Variants in TRAM1 observed in about 807,000 individuals in gnomAD.
TRAM1 encodes translocating chain-associated membrane protein 1.
Under a neutral mutation model 48.7 loss-of-function variants are expected in TRAM1, and 17 were observed. The observed-to-expected ratio is 0.35, with a 90% CI of 0.24 to 0.52. TRAM1 has a LOEUF of 0.52. TRAM1 is among the 20% of genes least tolerant of loss of function. The probability of loss-of-function intolerance (pLI) is 0.94; values close to 1 mark genes in which losing one functional copy is unlikely to be tolerated. For synonymous variants in TRAM1, 182 were observed against 154.0 expected (o/e 1.18, Z -1.34); for missense variants, 351 against 441.5 (o/e 0.79, Z 1.84).
intron 1 of TRAM1, among the ~76,000 whole-genome samples, chr8:70,600,801 T>C (rs1188384561): frequency 1.3e-5 from 2 of 152,188 alleles, no homozygotes; most frequent in Non-Finnish European, 2.9e-5. Context: ...TTGTTGGTTT[T>C]TTTTCTGGGG....
intron 8 of TRAM1, among the ~76,000 whole-genome samples, chr8:70,585,292 C>T (rs1241702273): frequency 6.6e-6 from 1 of 152,086 alleles, no homozygotes; most frequent in Non-Finnish European, 1.5e-5. Flanking sequence ...GGATTAAAGA[C>T]TTACATGTTA....
At chr8:70,577,700 G>A (rs954610988) in intron 10 of TRAM1, among the ~76,000 whole-genome samples, 1 of 152,206 alleles carries the variant, frequency 6.6e-6, no homozygotes, top group Non-Finnish European at 1.5e-5. Context: ...TGCTCACCAC[G>A]TTGTGGATGA....
chr8:70,589,011 TTC>T (rs1046362556), intron 6 of TRAM1, among the ~76,000 whole-genome samples: 4 of 152,206 alleles, frequency 2.6e-5, no homozygotes, highest in Admixed American at 2.6e-4. Context: ...GGTCCTCCAT[TTC>T]TCTGTGTTTC....
intron 6 of TRAM1, among the ~76,000 whole-genome samples, chr8:70,592,800 T>G (rs1433384748): frequency 6.6e-6 from 1 of 152,220 alleles, no homozygotes; most frequent in Non-Finnish European, 1.5e-5. Flanking sequence ...CAATAGAACT[T>G]TCTGCAATCA....
At chr8:70,583,132 C>G (rs1405956936) in intron 10 of TRAM1, 32 bp downstream of exon 10, 3 of 1,581,512 alleles carry the variant, frequency 1.9e-6, no homozygotes, top group Non-Finnish European at 2.6e-6. Flanking sequence ...TTTCTACTTC[C>G]ATGAGTTTTT....
chr8:70,579,369 A>T (rs1294852429), intron 10 of TRAM1, among the ~76,000 whole-genome samples: 1 of 152,208 alleles, frequency 6.6e-6, no homozygotes, highest in Non-Finnish European at 1.5e-5. Context: ...ATCTTATAGG[A>T]CCAGTGTCAT....
At position 70,574,631 on chromosome 8, in the gene TRAM1, T is replaced by C. The variant is rs1816905502; in HGVS notation, c.*301A>G. 4.2e-6 allele frequency: 1 copy of C among 239,170 alleles called. No homozygotes were observed. Among genetic ancestry groups the C allele is most frequent in the Admixed American group, 5.8e-5 (1 of 17,390 alleles). The allele number at this position is 239,170 out of a possible 1,614,324, so 14.8% of individuals were successfully genotyped here. A position where few individuals can be genotyped will look rare whatever the true frequency, so the allele number is the denominator to read the frequency against. On this transcript the variant is annotated 3_prime_UTR_variant, in exon 11 of 11. Transcript: ENST00000262213. ...ATTGTATCACTGATATGTGGAATTT[T>C]TGTAAATAGTTTTCTCTCCAAATCA...
chr8:70,574,896 T>G lies in TRAM1; in HGVS notation c.*36A>C. On this transcript the variant is annotated 3_prime_UTR_variant, in exon 11 of 11. Coordinates refer to ENST00000262213, the MANE Select transcript of TRAM1 (RefSeq NM_014294.6). ...CTGAAAGATATAGTAGAAAGCAGAT[T>G]TCTTTGGGGACATTAATCAATTAGT... 1 of 1,397,200 alleles carries G rather than the reference T, an allele frequency of 7.2e-7. No homozygotes were observed. Among genetic ancestry groups the G allele is most frequent in the East Asian group, 2.3e-5 (1 of 43,546 alleles). The allele number at this position is 1,397,200 out of a possible 1,614,324, so 86.6% of individuals were successfully genotyped here. A position where few individuals can be genotyped will look rare whatever the true frequency, so the allele number is the denominator to read the frequency against.
At chr8:70,603,869 T>C (rs563134724) in intron 1 of TRAM1, among the ~76,000 whole-genome samples, 1 of 152,134 alleles carries the variant, frequency 6.6e-6, no homozygotes, top group East Asian at 1.9e-4. Flanking sequence ...TGAGTTTAAA[T>C]AGAAGAAGAA....
intron 10 of TRAM1, among the ~76,000 whole-genome samples, chr8:70,580,866 AT>A (rs1817060543): frequency 1.3e-5 from 2 of 152,254 alleles, no homozygotes; most frequent in South Asian, 4.1e-4. Context: ...TGAAAATGGA[AT>A]TAAGAAGATG....
rs775591981 is a variant in TRAM1, at chr8:70,594,523, A to G, written c.553T>C (p.Phe185Leu). The change falls in exon 6 of 11, where the codon TTC becomes CTC. Residue 185 changes from phenylalanine (F) to leucine (L), a missense_variant. Transcript: ENST00000262213. ...CAGCTTACTTTTTTGGTTTTCTGGA[A>G]GTAGAGTTCAGGAAAAGCATGAAGC... ...YWLHAFPELY[F>L]QKTKKEDIPR... 5.0e-6 allele frequency: 8 copies of G among 1,598,448 alleles called. No homozygotes were observed.
At chr8:70,577,039 G>A (rs1266702894) in intron 10 of TRAM1, among the ~76,000 whole-genome samples, 1 of 152,190 alleles carries the variant, frequency 6.6e-6, no homozygotes, top group Non-Finnish European at 1.5e-5. Context: ...TCCACAACGT[G>A]GCGAGCAGGG....
chr8:70,602,281 G>A (rs1274185623), intron 1 of TRAM1, among the ~76,000 whole-genome samples: 1 of 152,214 alleles, frequency 6.6e-6, no homozygotes. Flanking sequence ...GAAGAACACA[G>A]AGGCACAAGG....
chr8:70,574,842 T>C lies in TRAM1; in HGVS notation c.*90A>G. On this transcript the variant is annotated 3_prime_UTR_variant, in exon 11 of 11. Transcript: ENST00000262213. ...AGCAAAAATCAAAGAGCACAGACTG[T>C]ATTTTCAAGAACAGAAAAATCTCTA... 1 of 937,830 alleles carries C rather than the reference T, an allele frequency of 1.1e-6. No homozygotes were observed. The highest frequency in any genetic ancestry group is 1.6e-6 in the Non-Finnish European group (1 of 606,796). 58.1% of individuals were successfully genotyped at this position (937,830 alleles called of 1,614,324 possible). A position where few individuals can be genotyped will look rare whatever the true frequency, so the allele number is the denominator to read the frequency against.
rs973461554 is a variant in TRAM1, at chr8:70,598,209, T to G, written c.234A>C (p.Lys78Asn). 4.3e-6 allele frequency: 7 copies of G among 1,613,010 alleles called. No homozygotes were observed. Among genetic ancestry groups the G allele is most frequent in the Non-Finnish European group, 5.9e-6 (7 of 1,179,546 alleles). ...TGTAGAAGAAAACAGTAGCCAAATC[T>G]TTGATGCCATAGTAATAAAGGGACA... is the stretch of plus-strand genomic sequence containing the variant. ...ESVSLYYYGIKDLATVFFYML... is the reference protein window; with the variant it reads ...ESVSLYYYGINDLATVFFYML... The change falls in exon 3 of 11, where the codon AAA becomes AAC. Residue 78 changes from lysine to asparagine, a missense_variant. By Grantham distance (94) the Lys-to-Asn change is moderately conservative. Transcript: ENST00000262213.
At chr8:70,585,306 C>A (rs1325278031) in intron 8 of TRAM1, among the ~76,000 whole-genome samples, 1 of 152,006 alleles carries the variant, frequency 6.6e-6, no homozygotes, top group Admixed American at 6.6e-5. Flanking sequence ...CATGTTAGAC[C>A]TAAAAACATA....
intron 1 of TRAM1, among the ~76,000 whole-genome samples, chr8:70,601,629 T>C (rs1321420432): frequency 6.6e-6 from 1 of 152,152 alleles, no homozygotes; most frequent in Non-Finnish European, 1.5e-5. Flanking sequence ...GCTGAATAAA[T>C]ATCAGTTAAA....
At position 70,600,055 on chromosome 8, in the gene TRAM1, C is replaced by T. The variant is rs1817573145; in HGVS notation, c.151G>A (p.Val51Ile). The T allele has an allele frequency of 2.5e-6, 4 of 1,613,582 alleles. No homozygotes were observed. In the East Asian group the frequency reaches 6.7e-5, roughly 27 times the overall value. Residue 51 changes from valine (V) to isoleucine (I), a missense_variant, in exon 2 of 11, where the codon GTT becomes ATT. By Grantham distance (29) the Val-to-Ile change is conservative. Coordinates refer to ENST00000262213, the MANE Select transcript of TRAM1 (RefSeq NM_014294.6). ...AGGGTGACATTGTACTGAAGAGTAA[C>T]AAAAATGATAGAAGCTTTTGCCGTT... The part of the protein sequence containing the change: ...EITAKASIIF[V>I]TLQYNVTLPA...
At chr8:70,589,095 A>G (rs1032177203) in intron 6 of TRAM1, among the ~76,000 whole-genome samples, 40 of 152,160 alleles carry the variant, frequency 2.6e-4, no homozygotes, top group Middle Eastern at 3.4e-3. Flanking sequence ...GAAATGGAAA[A>G]CTCTTCTCTA....
Sources: allele counts gnomAD v4.1 joint callset (sites outside exome capture counted in the v4.1 genomes callset), GRCh38; gene constraint gnomAD v4.1.1; transcripts MANE v1.5; gene names NCBI Gene and HGNC (gene_info 2026-07-23, HGNC 2026-07-21).